The following SLC25A21 variants were observed in gnomAD, a reference collection of about 807,000 sequenced individuals.
SLC25A21 encodes mitochondrial 2-oxodicarboxylate carrier.
In SLC25A21, 47 loss-of-function variants were observed where a neutral mutation model predicts 43.8. The observed-to-expected ratio is 1.07, with a 90% CI of 0.85 to 1.37. SLC25A21 has a LOEUF of 1.37. SLC25A21 is among the 40% of genes most tolerant of loss of function. The pLI is 0.00. For synonymous variants in SLC25A21, 131 were observed against 121.3 expected, an observed-to-expected ratio of 1.08 and a Z score of -0.52; for missense variants, 352 against 350.2, an observed-to-expected ratio of 1.00 and a Z score of -0.04.
intron 3 of SLC25A21, among the ~76,000 whole-genome samples, chr14:36,751,140 A>G (rs1885694050): frequency 6.6e-6 from 1 of 152,212 alleles, no homozygotes; most frequent in Non-Finnish European, 1.5e-5. Context: ...AAAGAGATTA[A>G]TATTTCATTA....
intron 7 of SLC25A21, among the ~76,000 whole-genome samples, chr14:36,698,410 G>A (rs1227503453): frequency 6.6e-6 from 1 of 152,108 alleles, no homozygotes; most frequent in Admixed American, 6.5e-5. Context: ...CTCTTCTTGA[G>A]GAGTATTTTT....
intron 1 of SLC25A21, among the ~76,000 whole-genome samples, chr14:36,944,353 C>T (rs563148969): frequency 4.1e-4 from 62 of 152,290 alleles, no homozygotes; most frequent in African/African-American, 1.5e-3. Flanking sequence ...AGGAAGAAAA[C>T]TGCCTTCAGC....
At chr14:36,749,006 G>A (rs1885603655) in intron 3 of SLC25A21, among the ~76,000 whole-genome samples, 1 of 152,198 alleles carries the variant, frequency 6.6e-6, no homozygotes, top group African/African-American at 2.4e-5. Context: ...TAAACAGACT[G>A]CAGCCTACTC....
In SLC25A21 at chr14:37,119,479, C is replaced by T. The variant is rs545322898; in HGVS notation, c.70+52802G>A. Reference sequence around the variant, plus strand: ...GGCTGAGGCAGGAGAATTGCTTGAACCTGGGAGATGGAGGTTGCAGTAAGC... The same window carrying T: ...GGCTGAGGCAGGAGAATTGCTTGAATCTGGGAGATGGAGGTTGCAGTAAGC... On this transcript the variant is annotated intron_variant, in intron 1 of 9. Coordinates refer to ENST00000331299, the MANE Select transcript of SLC25A21 (RefSeq NM_030631.4). 5.9e-5 allele frequency among the ~76,000 whole-genome samples: 9 copies of T among 152,156 alleles called. No individual in the cohort carries two copies. In the East Asian group the frequency reaches 1.5e-3, roughly 26 times the overall value.
chr14:36,988,449 T>C (rs559218672), intron 1 of SLC25A21, among the ~76,000 whole-genome samples: 6 of 152,254 alleles, frequency 3.9e-5, no homozygotes, highest in South Asian at 4.1e-4. Context: ...AGTGAAAGTA[T>C]GGGGCCTTCA....
chr14:36,725,617 C>G lies in SLC25A21; in HGVS notation c.391G>C (p.Glu131Gln). ...GCTTGCAAGCCAACTTTTACTACCT[C>G]AAAAGGGTTAACTACAATGGCTTCT... is the stretch of plus-strand genomic sequence containing the variant. Reference protein sequence around the residue: ...LTEAIVVNPFEVVKVGLQANR... With the variant: ...LTEAIVVNPFQVVKVGLQANR... Residue 131 changes from glutamate to glutamine, a missense_variant, in exon 6 of 10, where the codon GAG becomes CAG. Transcript: ENST00000331299. 1 of 1,600,116 alleles carries G rather than the reference C, an allele frequency of 6.2e-7. No individual in the cohort carries two copies. Among genetic ancestry groups the G allele is most frequent in the South Asian group, 1.1e-5 (1 of 88,638 alleles).
chr14:37,036,262 C>A (rs940430259), intron 1 of SLC25A21, among the ~76,000 whole-genome samples: 7 of 152,104 alleles, frequency 4.6e-5, no homozygotes, highest in African/African-American at 1.7e-4. Context: ...GTGCTATAAT[C>A]AAAAAGTAGC....
At chr14:37,034,684 G>C (rs900165662) in intron 1 of SLC25A21, among the ~76,000 whole-genome samples, 3 of 152,182 alleles carry the variant, frequency 2.0e-5, no homozygotes, top group African/African-American at 7.2e-5. Context: ...CGCCTCCACA[G>C]CCACAATTTA....
At chr14:36,784,649 C>T (rs1887185665) in intron 3 of SLC25A21, among the ~76,000 whole-genome samples, 1 of 152,168 alleles carries the variant, frequency 6.6e-6, no homozygotes, top group South Asian at 2.1e-4. Context: ...ACCAACCAGA[C>T]AACTTCTAGG....
rs117139097 is a variant in SLC25A21, at chr14:37,052,700, G to A, written c.70+119581C>T. On this transcript the variant is annotated intron_variant, in intron 1 of 9. Coordinates refer to ENST00000331299, the MANE Select transcript of SLC25A21 (RefSeq NM_030631.4). The stretch of plus-strand genomic sequence containing the variant: ...GTCTCCCAGACTGGAGTGCAGTAGC[G>A]CAATCTGAGCTCACTGCAACCTCAG... Among the ~76,000 whole-genome samples, 2,475 of 151,514 alleles carry A rather than the reference G, an allele frequency of 0.016. 195 individuals are homozygous for A. The East Asian group carries it at 0.26, about 16-fold the overall frequency.
chr14:37,035,289 C>T (rs918463349), intron 1 of SLC25A21, among the ~76,000 whole-genome samples: 1 of 152,120 alleles, frequency 6.6e-6, no homozygotes, highest in Non-Finnish European at 1.5e-5. Context: ...TGGGAAATAC[C>T]GGAGTTTGCT....
intron 3 of SLC25A21, among the ~76,000 whole-genome samples, chr14:36,791,980 T>C (rs1438475815): frequency 6.6e-6 from 1 of 152,152 alleles, no homozygotes; most frequent in African/African-American, 2.4e-5. Flanking sequence ...ATTCACTGTA[T>C]ACTTAGGTAC....
intron 2 of SLC25A21, among the ~76,000 whole-genome samples, chr14:36,850,411 C>T (rs1173078419): frequency 6.6e-6 from 1 of 152,052 alleles, no homozygotes; most frequent in African/African-American, 2.4e-5. Flanking sequence ...AACCCAGGCT[C>T]GTTTTGCTCC....
At chr14:36,943,407 G>A (rs1249193134) in intron 1 of SLC25A21, among the ~76,000 whole-genome samples, 1 of 152,156 alleles carries the variant, frequency 6.6e-6, no homozygotes. Context: ...GGCCAGGCTG[G>A]TCTTGAGCTC....
At position 37,003,756 on chromosome 14, in the gene SLC25A21, A is replaced by G. The variant is rs184550641; in HGVS notation, c.71-128752T>C. 1.4e-3 allele frequency among the ~76,000 whole-genome samples: 219 copies of G among 152,308 alleles called. 1 individual carries two copies. The highest frequency in any genetic ancestry group is 5.0e-3 in the African/African-American group (209 of 41,578). On this transcript the variant is annotated intron_variant, in intron 1 of 9. Transcript: ENST00000331299. ...GTGGTTTCTCAGGCTTCTTAAATGAAGTTACATGTGGGAGACTCTGGAGTG... is the reference window on the plus strand; with the variant it reads ...GTGGTTTCTCAGGCTTCTTAAATGAGGTTACATGTGGGAGACTCTGGAGTG...
At chr14:37,034,990 T>G (rs1961297939) in intron 1 of SLC25A21, among the ~76,000 whole-genome samples, 1 of 152,210 alleles carries the variant, frequency 6.6e-6, no homozygotes, top group Non-Finnish European at 1.5e-5. Flanking sequence ...GTAAAGCTGG[T>G]GAGTTTTAAG....
At chr14:37,161,980 A>AG (rs1963951254) in intron 1 of SLC25A21, among the ~76,000 whole-genome samples, 7 of 149,800 alleles carry the variant, frequency 4.7e-5, no homozygotes, top group East Asian at 3.9e-4. Context: ...AAAAAAAAAA[A>AG]AAAGAAATCT....
At chr14:36,894,126 T>TG (rs1891168951) in intron 1 of SLC25A21, among the ~76,000 whole-genome samples, 1 of 152,278 alleles carries the variant, frequency 6.6e-6, no homozygotes, top group South Asian at 2.1e-4. Flanking sequence ...TAAATTACCT[T>TG]GGCAGTATGG....
intron 7 of SLC25A21, among the ~76,000 whole-genome samples, chr14:36,690,031 ACCTAT>A (rs1381226070): frequency 6.6e-6 from 1 of 152,166 alleles, no homozygotes; most frequent in Non-Finnish European, 1.5e-5. Context: ...ACTCTGTTCA[ACCTAT>A]CCTATCCTTA....
Sources: allele counts gnomAD v4.1 joint callset (sites outside exome capture counted in the v4.1 genomes callset), GRCh38; gene constraint gnomAD v4.1.1; transcripts MANE v1.5; gene names NCBI Gene and HGNC (gene_info 2026-07-23, HGNC 2026-07-21).